The following CBLN2 variants were observed in gnomAD, a reference collection of about 807,000 sequenced individuals.
CBLN2 encodes the protein cerebellin-2.
Under a neutral mutation model 15.0 loss-of-function variants are expected in CBLN2, and 7 were observed. The observed-to-expected ratio is 0.47, with a 90% CI of 0.27 to 0.88. The LOEUF (loss-of-function observed/expected upper bound fraction) is 0.88. Among genes scored for constraint, CBLN2 ranks in the 40% least tolerant of loss-of-function variants. The pLI is 0.14. For synonymous variants in CBLN2, 149 were observed against 135.2 expected (o/e 1.10, Z -0.71); for missense variants, 242 against 304.5 (o/e 0.79, Z 1.53).
chr18:72,573,310 T>C (rs1215433209), intron 1 of CBLN2, among the ~76,000 whole-genome samples: 1 of 152,184 alleles, frequency 6.6e-6, no homozygotes, highest in Non-Finnish European at 1.5e-5. Context: ...ACAACTGAAA[T>C]GTGAAATTTT....
intron 1 of CBLN2, among the ~76,000 whole-genome samples, chr18:72,557,173 A>G (rs1412872844): frequency 6.6e-6 from 1 of 152,036 alleles, no homozygotes; most frequent in Non-Finnish European, 1.5e-5. Flanking sequence ...AATTTGCTTT[A>G]ATTTGAATTT....
At chr18:72,550,353 T>G (rs545609537) in intron 1 of CBLN2, among the ~76,000 whole-genome samples, 1 of 152,202 alleles carries the variant, frequency 6.6e-6, no homozygotes, top group Non-Finnish European at 1.5e-5. Flanking sequence ...TCATTTCTCT[T>G]GAGCAAACTT....
At chr18:72,627,399 G>T (rs2069746949) in intron 1 of CBLN2, among the ~76,000 whole-genome samples, 1 of 152,178 alleles carries the variant, frequency 6.6e-6, no homozygotes. Flanking sequence ...ATTTTTGTTA[G>T]TAATATAATA....
chr18:72,615,358 C>T (rs560398784), intron 1 of CBLN2, among the ~76,000 whole-genome samples: 1 of 148,746 alleles, frequency 6.7e-6, no homozygotes, highest in Middle Eastern at 3.5e-3. Context: ...CTCACTGCAA[C>T]CTCCTCCTCC....
chr18:72,565,520 G>C (rs2069288875), intron 1 of CBLN2, among the ~76,000 whole-genome samples: 1 of 152,128 alleles, frequency 6.6e-6, no homozygotes, highest in South Asian at 2.1e-4. Context: ...TGTGGGGCAA[G>C]GGCTGATGTC....
intron 1 of CBLN2, among the ~76,000 whole-genome samples, chr18:72,581,469 A>G (rs1191955902): frequency 1.3e-5 from 2 of 152,164 alleles, no homozygotes; most frequent in Non-Finnish European, 2.9e-5. Context: ...TTCCTTGGTT[A>G]CTGATAAGGT....
chr18:72,634,861 T>C (rs937820222), intron 1 of CBLN2, among the ~76,000 whole-genome samples: 2 of 152,190 alleles, frequency 1.3e-5, no homozygotes, highest in African/African-American at 4.8e-5. Context: ...TGTTTGCTTT[T>C]GGAGATTTGG....
intron 1 of CBLN2, among the ~76,000 whole-genome samples, chr18:72,626,887 A>G (rs1367275945): frequency 6.6e-6 from 1 of 152,158 alleles, no homozygotes; most frequent in Non-Finnish European, 1.5e-5. Context: ...ATCCAAACTG[A>G]ACCCAAGGAT....
chr18:72,625,600 T>C (rs2069730617), intron 1 of CBLN2, among the ~76,000 whole-genome samples: 1 of 149,576 alleles, frequency 6.7e-6, no homozygotes, highest in Admixed American at 6.7e-5. Flanking sequence ...TATAAGTAAA[T>C]GAGTCTGAGG....
At position 72,542,022 on chromosome 18, in the gene CBLN2, A is replaced by T. The variant is rs776096848; in HGVS notation, c.139T>A (p.Cys47Ser). 1 of 1,596,080 alleles carries T rather than the reference A, an allele frequency of 6.3e-7. No individual in the cohort carries two copies. The highest frequency in any genetic ancestry group is 2.3e-5 in the East Asian group (1 of 44,020). ...GTGTCGTTCTGCGCCCGCACGGGGC[A>T]GCAGGCGGGCAGTAGCAGCAACAGC... ...ALLLLLLPAC[C>S]PVRAQNDTEP... Residue 47 changes from cysteine to serine, a missense_variant, in exon 3 of 5, where the codon TGC becomes AGC. By Grantham distance (112) the Cys-to-Ser change is moderately radical. Around this residue, in one of 4 missense-constraint regions of CBLN2, gnomAD observed 96 missense variants for 83.8 expected, o/e 1.15. Coordinates refer to ENST00000269503, the MANE Select transcript of CBLN2 (RefSeq NM_182511.4).
chr18:72,565,266 C>T (rs956215294), intron 1 of CBLN2, among the ~76,000 whole-genome samples: 2 of 152,018 alleles, frequency 1.3e-5, no homozygotes, highest in Non-Finnish European at 2.9e-5. Flanking sequence ...GGTAGTAATA[C>T]ATATTACCAT....
intron 1 of CBLN2, among the ~76,000 whole-genome samples, chr18:72,632,450 G>C: frequency 6.6e-6 from 1 of 151,990 alleles, no homozygotes; most frequent in East Asian, 1.9e-4. Flanking sequence ...TCCACTGATG[G>C]GTGTATGTAT....
chr18:72,627,371 C>A (rs999653820), intron 1 of CBLN2, among the ~76,000 whole-genome samples: 2 of 152,096 alleles, frequency 1.3e-5, no homozygotes, highest in Non-Finnish European at 2.9e-5. Flanking sequence ...TATATGAGGG[C>A]TTCATAATTG....
chr18:72,566,260 C>A lies in CBLN2; in HGVS notation c.16-27488G>T, dbSNP rs374266444. ...AGCCATTATGAAAAACAGTATGGAA[C>A]GTCCTCAAAATATTAAAAATAGAAC... On this transcript the variant is annotated intron_variant, in intron 1 of 2. Coordinates refer to the CBLN2 transcript ENST00000581073. 1.5e-4 allele frequency among the ~76,000 whole-genome samples: 23 copies of A among 152,164 alleles called. No individual in the cohort carries two copies. In the South Asian group the frequency reaches 4.6e-3, roughly 30 times the overall value.
chr18:72,550,979 A>G (rs1049509487), intron 1 of CBLN2, among the ~76,000 whole-genome samples: 1 of 151,984 alleles, frequency 6.6e-6, no homozygotes, highest in African/African-American at 2.4e-5. Context: ...CTGTATGCCG[A>G]TGGGTAATGC....
At chr18:72,552,037 C>A (rs1353476389) in intron 1 of CBLN2, among the ~76,000 whole-genome samples, 1 of 151,770 alleles carries the variant, frequency 6.6e-6, no homozygotes, top group East Asian at 1.9e-4. Flanking sequence ...ATTTATCTAA[C>A]CTGTTTTGTC....
At chr18:72,540,906 G>A (rs1295076155) in intron 3 of CBLN2, among the ~76,000 whole-genome samples, 1 of 152,152 alleles carries the variant, frequency 6.6e-6, no homozygotes. Context: ...AAAATGATTA[G>A]GTAATTAGCT....
chr18:72,541,671 G>A lies in CBLN2; in HGVS notation c.357+133C>T, dbSNP rs180989336. The A allele has an allele frequency of 4.1e-3, 2,629 of 647,842 alleles. 50 individuals are homozygous for A. The highest frequency in any genetic ancestry group is 0.032 in the South Asian group (1,376 of 42,492). 40.1% of individuals were successfully genotyped at this position (647,842 alleles called of 1,614,324 possible). Reference sequence around the variant, plus strand: ...GTGCGTTCTATGAAACGGGAGGAAAGAGACTAGCAGGGCAGAGGGGGAGGA... The same window carrying A: ...GTGCGTTCTATGAAACGGGAGGAAAAAGACTAGCAGGGCAGAGGGGGAGGA... On this transcript the variant is annotated intron_variant, in intron 3 of 4. Transcript: ENST00000269503.
intron 1 of CBLN2, among the ~76,000 whole-genome samples, chr18:72,571,680 A>T (rs963142264): frequency 1.3e-5 from 2 of 152,224 alleles, no homozygotes; most frequent in African/African-American, 4.8e-5. Context: ...AATAACAGCA[A>T]ACTAAACCTA....
Sources: allele counts gnomAD v4.1 joint callset (sites outside exome capture counted in the v4.1 genomes callset), GRCh38; gene constraint gnomAD v4.1.1; regional missense constraint gnomAD v4.1.1; transcripts MANE v1.5; gene names NCBI Gene and HGNC (gene_info 2026-07-23, HGNC 2026-07-21).